The following FHOD3 variants were observed in gnomAD, a reference collection of about 807,000 sequenced individuals.
The protein encoded by FHOD3 is formin homology 2 domain containing 3.
In FHOD3, 90 loss-of-function variants were observed where a neutral mutation model predicts 173.0. That is an observed-to-expected ratio of 0.52 (90% CI 0.44 to 0.62). The LOEUF (loss-of-function observed/expected upper bound fraction) is 0.62, where lower values mean the gene tolerates loss of function less well. Ranked by LOEUF, FHOD3 falls within the 20% of genes least tolerant of loss-of-function variation. The pLI is 0.00. For missense variants in FHOD3, 1,945 were observed against 2,034.7 expected, an observed-to-expected ratio of 0.96 and a Z score of 0.85; for synonymous variants, 828 against 823.0, an observed-to-expected ratio of 1.01 and a Z score of -0.10.
intron 1 of FHOD3, among the ~76,000 whole-genome samples, chr18:36,302,748 A>G (rs2091987419): frequency 6.6e-6 from 1 of 152,246 alleles, no homozygotes; most frequent in Non-Finnish European, 1.5e-5. Flanking sequence ...TAAGATTTTT[A>G]AAAGATGAGA....
chr18:36,761,320 T>C (rs2042868883), intron 27 of FHOD3, among the ~76,000 whole-genome samples: 1 of 152,192 alleles, frequency 6.6e-6, no homozygotes, highest in Non-Finnish European at 1.5e-5. Flanking sequence ...GCGGCCAGAT[T>C]CGAGTTTCCA....
At chr18:36,573,673 GTTGCTTTTTACTTATAC>G in intron 5 of FHOD3, among the ~76,000 whole-genome samples, 2 of 152,212 alleles carry the variant, frequency 1.3e-5, no homozygotes, top group East Asian at 1.9e-4. Context: ...ATTATGTGAT[GTTGCTTTTTACTTATAC>G]TTGCTTTTTA....
chr18:36,741,846 T>C (rs2041918225), intron 21 of FHOD3, among the ~76,000 whole-genome samples: 1 of 152,000 alleles, frequency 6.6e-6, no homozygotes, highest in Non-Finnish European at 1.5e-5. Flanking sequence ...GGTCCTGTAC[T>C]GAGGGCCAGA....
rs188477245 is a variant in FHOD3, at chr18:36,469,323, A to G, written c.338-32609A>G. Among the ~76,000 whole-genome samples the G allele has an allele frequency of 2.1e-3, 320 of 152,268 alleles. 2 individuals are homozygous for G. Among genetic ancestry groups the G allele is most frequent in the African/African-American group, 7.4e-3 (309 of 41,532 alleles). ...TGGATTTGGGTACAAATTAAGGGGC[A>G]CGTGTAAACCACACTCAGAGATCCT... On this transcript the variant is annotated intron_variant, in intron 3 of 28. Transcript: ENST00000590592.
At chr18:36,685,357 T>C (rs2038537269) in intron 15 of FHOD3, among the ~76,000 whole-genome samples, 1 of 152,230 alleles carries the variant, frequency 6.6e-6, no homozygotes. Flanking sequence ...TCCATATTTC[T>C]GAGGATGTGA....
At chr18:36,528,983 A>T (rs1018284007) in intron 5 of FHOD3, among the ~76,000 whole-genome samples, 1 of 152,170 alleles carries the variant, frequency 6.6e-6, no homozygotes, top group African/African-American at 2.4e-5. Context: ...GTAGCTGCTC[A>T]TGCTCTTGGG....
rs10221440 is a variant in FHOD3, at chr18:36,511,435, A to G, written c.406-1003A>G. On this transcript the variant is annotated intron_variant, in intron 4 of 28. Transcript: ENST00000590592. ...ATCTGTAAAGAAAAGCTACCATTAA[A>G]TCAGTGGTTCTTGAACAGGCAACCC... Among the ~76,000 whole-genome samples, 726 of 152,024 alleles carry G rather than the reference A, an allele frequency of 4.8e-3. 5 individuals are homozygous for G. The highest frequency in any genetic ancestry group is 0.017 in the African/African-American group (705 of 41,412).
intron 3 of FHOD3, among the ~76,000 whole-genome samples, chr18:36,380,853 T>C (rs555198674): frequency 3.3e-5 from 5 of 152,148 alleles, no homozygotes; most frequent in African/African-American, 1.2e-4. Flanking sequence ...CTGACACATT[T>C]GCAGCTTGGT....
chr18:36,597,565 T>C lies in FHOD3; in HGVS notation c.718+2667T>C, dbSNP rs556474470. Among the ~76,000 whole-genome samples, 201 of 152,276 alleles carry C rather than the reference T, an allele frequency of 1.3e-3. 2 individuals carry two copies. The highest frequency in any genetic ancestry group is 4.4e-3 in the African/African-American group (182 of 41,564). On this transcript the variant is annotated intron_variant, in intron 7 of 28. Coordinates refer to ENST00000590592, the MANE Select transcript of FHOD3 (RefSeq NM_001281740.3). ...CCTCAGCCTCCCGAGTAGTTGGGAC[T>C]ACAGGTGCCCACCACCATGCCCGGC...
chr18:36,384,375 G>A (rs971307928), intron 3 of FHOD3, among the ~76,000 whole-genome samples: 1 of 151,280 alleles, frequency 6.6e-6, no homozygotes, highest in Admixed American at 6.6e-5. Flanking sequence ...GTGAGACTCT[G>A]TCTCAAAAAA....
chr18:36,694,961 T>C (rs1042213116), intron 17 of FHOD3, among the ~76,000 whole-genome samples: 12 of 148,102 alleles, frequency 8.1e-5, no homozygotes, highest in Non-Finnish European at 1.8e-4. Flanking sequence ...AAAATAGTCA[T>C]TTCATGTATA....
intron 19 of FHOD3, among the ~76,000 whole-genome samples, chr18:36,725,791 G>A (rs1369153963): frequency 6.6e-6 from 1 of 152,128 alleles, no homozygotes; most frequent in Non-Finnish European, 1.5e-5. Flanking sequence ...ATTAAAAATG[G>A]ATCTTTTTAT....
At chr18:36,524,540 C>A (rs979252207) in intron 5 of FHOD3, among the ~76,000 whole-genome samples, 31 of 152,266 alleles carry the variant, frequency 2.0e-4, no homozygotes, top group African/African-American at 7.2e-4. Context: ...GCAAGGCAGA[C>A]TGGTACCCGT....
chr18:36,779,709 C>T lies in FHOD3; in HGVS notation c.*179C>T, dbSNP rs2043952918. On this transcript the variant is annotated 3_prime_UTR_variant, in exon 29 of 29. Coordinates refer to ENST00000590592, the MANE Select transcript of FHOD3 (RefSeq NM_001281740.3). ...CCTGCTACGCATTGACTTGGATCTC[C>T]AGGAGTCCCCTGCACATACCTTCTC... 3.3e-6 allele frequency: 2 copies of T among 614,648 alleles called. No individual in the cohort carries two copies. The highest frequency in any genetic ancestry group is 2.0e-5 in the South Asian group (1 of 51,070). 38.1% of individuals were successfully genotyped at this position (614,648 alleles called of 1,614,324 possible). A position where few individuals can be genotyped will look rare whatever the true frequency, so the allele number is the denominator to read the frequency against.
At chr18:36,546,100 G>A (rs1022271346) in intron 5 of FHOD3, among the ~76,000 whole-genome samples, 1 of 152,150 alleles carries the variant, frequency 6.6e-6, no homozygotes, top group Non-Finnish European at 1.5e-5. Flanking sequence ...GTGCTTTAAG[G>A]GAACCCCTTT....
intron 3 of FHOD3, among the ~76,000 whole-genome samples, chr18:36,398,281 G>A (rs916670968): frequency 6.6e-6 from 1 of 152,230 alleles, no homozygotes; most frequent in African/African-American, 2.4e-5. Context: ...ATCTTGGGAT[G>A]CTGATGGCAT....
intron 1 of FHOD3, among the ~76,000 whole-genome samples, chr18:36,322,385 G>T (rs1205720358): frequency 3.9e-5 from 6 of 152,144 alleles, no homozygotes; most frequent in African/African-American, 1.4e-4. Context: ...ATCTCCAGAA[G>T]GGCAGTAAGT....
At chr18:36,346,698 G>A (rs1371736134) in intron 1 of FHOD3, among the ~76,000 whole-genome samples, 4 of 152,098 alleles carry the variant, frequency 2.6e-5, no homozygotes, top group African/African-American at 9.7e-5. Context: ...CCTGGCGGTG[G>A]CTTCTCCATT....
At chr18:36,589,620 G>A (rs953362469) in intron 6 of FHOD3, among the ~76,000 whole-genome samples, 1 of 152,170 alleles carries the variant, frequency 6.6e-6, no homozygotes, top group Non-Finnish European at 1.5e-5. Context: ...TGGATTCGCA[G>A]GGACCTTACA....
Sources: gnomAD v4.1 joint callset for allele counts (sites outside exome capture counted in the v4.1 genomes callset) on GRCh38, gnomAD v4.1.1 for gene constraint, MANE v1.5 for transcripts, NCBI Gene and HGNC (gene_info 2026-07-23, HGNC 2026-07-21) for gene names.